The following SPRR2B variants were observed in gnomAD, a reference collection of about 807,000 sequenced individuals.
The protein encoded by SPRR2B is small proline-rich protein 2B.
A neutral mutation model predicts 1.0 loss-of-function variants in SPRR2B; 1 was observed. The observed-to-expected ratio is 1.01, with a 90% CI of 0.36 to 4.77. The LOEUF (loss-of-function observed/expected upper bound fraction) is 4.77, where lower values mean the gene tolerates loss of function less well. Among genes scored for constraint, SPRR2B ranks in the 30% most tolerant of loss-of-function variants. SPRR2B has a pLI of 0.16. For missense variants in SPRR2B, 53 were observed against 88.7 expected (o/e 0.60, Z 1.62); for synonymous variants, 27 against 33.4 (o/e 0.81, Z 0.66).
the SPRR2B span, among the ~76,000 whole-genome samples, chr1:153,085,399 G>T: frequency 1.3e-5 from 2 of 151,886 alleles, no homozygotes; most frequent in Admixed American, 6.6e-5. Context: ...GCAATCACAA[G>T]CATTAACATC....
chr1:153,070,733 CA>C lies in SPRR2B; in HGVS notation c.106del (p.Cys36AlafsTer22), dbSNP rs1296081454. ...GGGCTGTGGACACTTTGGTGGTGGGCAGGGCTCAGGGCACTTCGGGGGTGGA... is the reference window on the plus strand; with the variant it reads ...GGGCTGTGGACACTTTGGTGGTGGGCGGGCTCAGGGCACTTCGGGGGTGGA... ...PCPPPKCPEP[C>X]PPPKCPQPCP... is the part of the protein sequence containing the mutation. On this transcript the variant is annotated frameshift_variant, in exon 2 of 2. Transcript: ENST00000368755. LOFTEE classifies it low-confidence loss of function (END_TRUNC). 2 of 1,607,416 alleles carry C rather than the reference CA, an allele frequency of 1.2e-6. No individual in the cohort carries two copies. The highest frequency in any genetic ancestry group is 3.4e-5 in the Admixed American group (2 of 59,614).
the SPRR2B span, among the ~76,000 whole-genome samples, chr1:153,083,716 C>T: frequency 2.0e-5 from 3 of 152,322 alleles, no homozygotes; most frequent in South Asian, 6.2e-4. Flanking sequence ...CCCACTCCCG[C>T]CATGGGCCTC....
the SPRR2B span, among the ~76,000 whole-genome samples, chr1:153,077,958 G>C: frequency 1.3e-4 from 20 of 152,070 alleles, no homozygotes; most frequent in Non-Finnish European, 2.5e-4. Context: ...ATACACAAAA[G>C]ATAAAGGCAA....
At chr1:153,075,204 GTGAT>G (rs1654749332), upstream of SPRR2B, among the ~76,000 whole-genome samples, 1 of 151,992 alleles carries the variant, frequency 6.6e-6, no homozygotes, top group Non-Finnish European at 1.5e-5. Context: ...TTAGCCAGGC[GTGAT>G]TGCAGGGGCC....
upstream of SPRR2B, among the ~76,000 whole-genome samples, chr1:153,073,480 A>G (rs1332052497): frequency 1.3e-5 from 2 of 152,196 alleles, no homozygotes; most frequent in South Asian, 2.1e-4. Context: ...CAGGCTGTTT[A>G]TCACAGCAGT....
At chr1:153,079,592 GTT>G in the SPRR2B span, among the ~76,000 whole-genome samples, 1 of 151,982 alleles carries the variant, frequency 6.6e-6, no homozygotes, top group Non-Finnish European at 1.5e-5. Flanking sequence ...TGGTTAGCCA[GTT>G]TTCCCAGCAC....
At chr1:153,074,385 G>T (rs1654734558), upstream of SPRR2B, among the ~76,000 whole-genome samples, 1 of 152,142 alleles carries the variant, frequency 6.6e-6, no homozygotes, top group Admixed American at 6.5e-5. Context: ...CAAAATTATG[G>T]TAAAATATTC....
At chr1:153,084,134 G>C in the SPRR2B span, among the ~76,000 whole-genome samples, 1 of 152,246 alleles carries the variant, frequency 6.6e-6, no homozygotes, top group East Asian at 1.9e-4. Flanking sequence ...ACTCCAGCGA[G>C]GCAGCTGCCC....
chr1:153,078,339 A>G, the SPRR2B span, among the ~76,000 whole-genome samples: 1 of 151,788 alleles, frequency 6.6e-6, no homozygotes, highest in African/African-American at 2.4e-5. Context: ...AGACATGTAT[A>G]TATATTTCTT....
At chr1:153,079,557 G>A in the SPRR2B span, among the ~76,000 whole-genome samples, 1 of 152,000 alleles carries the variant, frequency 6.6e-6, no homozygotes, top group African/African-American at 2.4e-5. Context: ...TGTAAGGAAG[G>A]GATCCAGTTT....
the SPRR2B span, among the ~76,000 whole-genome samples, chr1:153,087,462 A>C: frequency 6.6e-6 from 1 of 152,136 alleles, no homozygotes; most frequent in Non-Finnish European, 1.5e-5. Context: ...CAAATCCAGG[A>C]GGTGGTTCTT....
the SPRR2B span, among the ~76,000 whole-genome samples, chr1:153,078,121 C>A: frequency 9.2e-5 from 14 of 152,024 alleles, no homozygotes; most frequent in Non-Finnish European, 1.5e-5. Flanking sequence ...CCCAACAACA[C>A]AAATTGGAAG....
upstream of SPRR2B, among the ~76,000 whole-genome samples, chr1:153,075,174 T>C (rs1216218817): frequency 6.6e-6 from 1 of 151,778 alleles, no homozygotes; most frequent in East Asian, 1.9e-4. Flanking sequence ...TGAAACCCAG[T>C]TCTACTAAAA....
chr1:153,070,899 C>A (rs1654651856), intron 1 of SPRR2B, 41 bp from the exon 2 acceptor site: 1 of 1,246,618 alleles, frequency 8.0e-7, no homozygotes, highest in Admixed American at 1.9e-5. Flanking sequence ...GAAGGGAATC[C>A]TCCAGAGAGA....
chr1:153,073,525 C>A (rs1164382282), upstream of SPRR2B, among the ~76,000 whole-genome samples: 1 of 152,124 alleles, frequency 6.6e-6, no homozygotes, highest in African/African-American at 2.4e-5. Flanking sequence ...CTAGTGCCCC[C>A]AGCATCTCAG....
chr1:153,070,518 A>G lies in SPRR2B; in HGVS notation c.*103T>C, dbSNP rs1222018370. 4 of 1,536,458 alleles carry G rather than the reference A, an allele frequency of 2.6e-6. No individual in the cohort carries two copies. The highest frequency in any genetic ancestry group is 3.9e-5 in the Admixed American group (2 of 50,948). On this transcript the variant is annotated 3_prime_UTR_variant, in exon 2 of 2. Coordinates refer to ENST00000368755, the MANE Select transcript of SPRR2B (RefSeq NM_001388198.1). ...CAGGCTAAGGGGAAAGAAGCTCCCT[A>G]TGAATCCATGATAAGCTTTGATGAG...
rs1047644824 is a variant in SPRR2B, at chr1:153,070,318, A to C, written c.*303T>G. 10 of 540,060 alleles carry C rather than the reference A, an allele frequency of 1.9e-5. No individual in the cohort carries two copies. The highest frequency in any genetic ancestry group is 4.7e-4 in the Middle Eastern group (1 of 2,118). 33.5% of individuals were successfully genotyped at this position (540,060 alleles called of 1,614,324 possible). On this transcript the variant is annotated 3_prime_UTR_variant, in exon 2 of 2. Coordinates refer to ENST00000368755, the MANE Select transcript of SPRR2B (RefSeq NM_001388198.1). ...TGCCCAGGTGAAAGACAGACACAGA[A>C]CACATCAACAGAATTCTCTGATGGT...
At chr1:153,071,612 G>A (rs528525806), upstream of SPRR2B, among the ~76,000 whole-genome samples, 22 of 152,246 alleles carry the variant, frequency 1.4e-4, 1 homozygote, top group African/African-American at 4.8e-4. Flanking sequence ...CAGGAGTTTA[G>A]GAGTTGGGCA....
chr1:153,083,042 TA>T, the SPRR2B span, among the ~76,000 whole-genome samples: 6 of 152,102 alleles, frequency 3.9e-5, no homozygotes, highest in African/African-American at 1.4e-4. Flanking sequence ...TTTACAGAAA[TA>T]AAAAAATTTG....
Sources: gnomAD v4.1 joint callset for allele counts (sites outside exome capture counted in the v4.1 genomes callset) on GRCh38, gnomAD v4.1.1 for gene constraint, MANE v1.5 for transcripts, NCBI Gene and HGNC (gene_info 2026-07-23, HGNC 2026-07-21) for gene names.